Variants in CNTN5 observed in about 807,000 individuals in gnomAD.
CNTN5 encodes contactin 5, also known as contactin-5.
A neutral mutation model predicts 129.1 loss-of-function variants in CNTN5; 77 were observed. The observed-to-expected ratio is 0.60, with a 90% CI of 0.50 to 0.72. CNTN5 has a LOEUF of 0.72. Ranked by LOEUF, CNTN5 falls within the 30% of genes least tolerant of loss-of-function variation. The pLI is 0.00. For missense variants in CNTN5, 1,478 were observed against 1,328.8 expected (o/e 1.11, Z -1.75); for synonymous variants, 509 against 465.6 (o/e 1.09, Z -1.20).
At chr11:99,653,953 C>G (rs1952252083) in intron 3 of CNTN5, among the ~76,000 whole-genome samples, 1 of 151,494 alleles carries the variant, frequency 6.6e-6, no homozygotes. Context: ...AGCAGTCAGT[C>G]AAGGCAGTTC....
chr11:100,257,177 G>T (rs1950089490), intron 17 of CNTN5, among the ~76,000 whole-genome samples: 1 of 152,148 alleles, frequency 6.6e-6, no homozygotes, highest in Non-Finnish European at 1.5e-5. Context: ...CTGGAAGTCT[G>T]CAATGGGCAG....
At chr11:100,057,814 A>G (rs887193010) in intron 9 of CNTN5, among the ~76,000 whole-genome samples, 29 of 152,170 alleles carry the variant, frequency 1.9e-4, no homozygotes, top group African/African-American at 7.0e-4. Context: ...CATACCATAT[A>G]AATTATAAAG....
At chr11:100,124,524 T>C (rs1312418699) in intron 13 of CNTN5, among the ~76,000 whole-genome samples, 1 of 152,006 alleles carries the variant, frequency 6.6e-6, no homozygotes, top group African/African-American at 2.4e-5. Flanking sequence ...GGAAAATTTT[T>C]AAAGAGATAC....
chr11:99,944,306 A>G lies in CNTN5; in HGVS notation c.674-12500A>G, dbSNP rs562111632. Among the ~76,000 whole-genome samples, 4 of 152,222 alleles carry G rather than the reference A, an allele frequency of 2.6e-5. No individual in the cohort carries two copies. The East Asian group carries it at 7.7e-4, about 29-fold the overall frequency. ...GCAAACAAATTCAAAAGCTAGCAGG[A>G]GACAAGAAATAACTAAGATCAGAGC... On this transcript the variant is annotated intron_variant, in intron 7 of 24. Coordinates refer to ENST00000524871, the MANE Select transcript of CNTN5 (RefSeq NM_014361.4).
chr11:100,121,644 T>C (rs759202831), intron 13 of CNTN5, among the ~76,000 whole-genome samples: 3 of 152,044 alleles, frequency 2.0e-5, no homozygotes, highest in Non-Finnish European at 4.4e-5. Context: ...CAGGGAGCCA[T>C]ATTTTGAAAT....
chr11:99,463,902 AAAG>A (rs1454384599), intron 2 of CNTN5, among the ~76,000 whole-genome samples: 29 of 152,224 alleles, frequency 1.9e-4, no homozygotes, highest in African/African-American at 5.8e-4. Context: ...TTTTAAACTA[AAAG>A]AAGATTATTG....
At chr11:99,934,393 A>C (rs190193777) in intron 7 of CNTN5, among the ~76,000 whole-genome samples, 2 of 152,350 alleles carry the variant, frequency 1.3e-5, no homozygotes, top group East Asian at 1.9e-4. Flanking sequence ...GAGTTTAAAT[A>C]ACAATTGACA....
chr11:100,241,865 G>A (rs2138683398), intron 16 of CNTN5, among the ~76,000 whole-genome samples: 1 of 152,280 alleles, frequency 6.6e-6, no homozygotes, highest in Admixed American at 6.5e-5. Context: ...ACTGCCTGAA[G>A]CATCACAATT....
intron 2 of CNTN5, among the ~76,000 whole-genome samples, chr11:99,373,468 C>T (rs927341386): frequency 6.6e-6 from 1 of 151,612 alleles, no homozygotes; most frequent in African/African-American, 2.4e-5. Context: ...AATCCCAGCA[C>T]TTTGGGAGGC....
intron 1 of CNTN5, among the ~76,000 whole-genome samples, chr11:99,166,823 C>A (rs762324231): frequency 2.8e-5 from 4 of 143,890 alleles, no homozygotes; most frequent in Admixed American, 7.2e-5. Context: ...AGCCCCAGAT[C>A]TGTTTGAAGA....
chr11:100,120,430 C>A (rs535939145), intron 13 of CNTN5, among the ~76,000 whole-genome samples: 1 of 151,672 alleles, frequency 6.6e-6, no homozygotes, highest in South Asian at 2.1e-4. Flanking sequence ...GGATATTAAT[C>A]AACCCAAAAA....
intron 3 of CNTN5, among the ~76,000 whole-genome samples, chr11:99,655,664 C>T (rs1952327834): frequency 6.6e-6 from 1 of 152,070 alleles, no homozygotes; most frequent in Non-Finnish European, 1.5e-5. Context: ...AAGCATCAGT[C>T]TTTATTTATC....
intron 1 of CNTN5, among the ~76,000 whole-genome samples, chr11:99,287,661 G>A (rs754337124): frequency 2.6e-5 from 4 of 152,026 alleles, no homozygotes; most frequent in African/African-American, 4.8e-5. Context: ...ACTCATCATA[G>A]TGAATAGATA....
chr11:99,245,105 C>T (rs534647021), intron 1 of CNTN5, among the ~76,000 whole-genome samples: 3 of 152,262 alleles, frequency 2.0e-5, no homozygotes, highest in Admixed American at 2.0e-4. Context: ...ATTCATATCA[C>T]TGTCAAACTG....
At chr11:99,341,075 T>A (rs1200789010) in intron 2 of CNTN5, among the ~76,000 whole-genome samples, 1 of 152,162 alleles carries the variant, frequency 6.6e-6, no homozygotes, top group Non-Finnish European at 1.5e-5. Flanking sequence ...TATGTTTGCA[T>A]CTCATACCTT....
chr11:99,389,926 A>C (rs1941166095), intron 2 of CNTN5, among the ~76,000 whole-genome samples: 1 of 152,178 alleles, frequency 6.6e-6, no homozygotes, highest in Non-Finnish European at 1.5e-5. Context: ...TTTGGAATCA[A>C]GTTAAAATTT....
intron 8 of CNTN5, among the ~76,000 whole-genome samples, chr11:99,963,312 C>A (rs1254270632): frequency 2.0e-5 from 3 of 152,208 alleles, no homozygotes; most frequent in South Asian, 4.2e-4. Flanking sequence ...TAAGTCTTTG[C>A]TCCATCTTGA....
chr11:99,378,997 A>G (rs1007269093), intron 2 of CNTN5, among the ~76,000 whole-genome samples: 5 of 152,056 alleles, frequency 3.3e-5, no homozygotes, highest in African/African-American at 1.2e-4. Context: ...AGTCTTCTGC[A>G]CATGATATTC....
At chr11:100,171,656 G>A (rs1591352035) in intron 13 of CNTN5, among the ~76,000 whole-genome samples, 2 of 151,976 alleles carry the variant, frequency 1.3e-5, no homozygotes, top group South Asian at 4.1e-4. Flanking sequence ...GAACATCTCA[G>A]TGGAAACGTT....
Sources: gnomAD v4.1 joint callset for allele counts (sites outside exome capture counted in the v4.1 genomes callset) on GRCh38, gnomAD v4.1.1 for gene constraint, MANE v1.5 for transcripts, NCBI Gene and HGNC (gene_info 2026-07-23, HGNC 2026-07-21) for gene names.